The following SDK1 variants were observed in gnomAD, a reference collection of about 807,000 sequenced individuals.
SDK1 encodes protein sidekick-1.
Under a neutral mutation model 245.5 loss-of-function variants are expected in SDK1, and 157 were observed. The observed-to-expected ratio is 0.64, with a 90% CI of 0.56 to 0.73. SDK1 has a LOEUF of 0.73. Among genes scored for constraint, SDK1 ranks in the 30% least tolerant of loss-of-function variants. The pLI, the probability that SDK1 is intolerant of heterozygous loss-of-function variation, is 0.00. For missense variants in SDK1, 3,583 were observed against 3,002.3 expected, an observed-to-expected ratio of 1.19 and a Z score of -4.52; for synonymous variants, 1,647 against 1,278.5, an observed-to-expected ratio of 1.29 and a Z score of -6.15.
intron 28 of SDK1, among the ~76,000 whole-genome samples, chr7:4,145,241 G>A (rs1370435009): frequency 6.6e-6 from 1 of 152,188 alleles, no homozygotes; most frequent in African/African-American, 2.4e-5. Context: ...GGTGCAGGCA[G>A]ACAGGGAAGA....
intron 4 of SDK1, chr7:3,642,854 C>T (rs12531560): frequency 0.24 from 36,913 of 152,210 alleles, 5,406 homozygotes; most frequent in Non-Finnish European, 0.33. Context: ...CCAGAAGAAT[C>T]ATGAAATGCT....
intron 4 of SDK1, among the ~76,000 whole-genome samples, chr7:3,656,591 T>A (rs556362319): frequency 1.3e-5 from 2 of 152,198 alleles, no homozygotes; most frequent in African/African-American, 4.8e-5. Flanking sequence ...AAGAGCTGCT[T>A]CTGGTGACAC....
At chr7:4,255,177 G>A (rs751998771) in intron 44 of SDK1, among the ~76,000 whole-genome samples, 5 of 152,116 alleles carry the variant, frequency 3.3e-5, no homozygotes, top group East Asian at 3.9e-4. Flanking sequence ...TGGTTTTACC[G>A]CTTCCATTGT....
chr7:3,797,011 T>G (rs781304401), intron 4 of SDK1, among the ~76,000 whole-genome samples: 1 of 152,046 alleles, frequency 6.6e-6, no homozygotes, highest in Non-Finnish European at 1.5e-5. Context: ...CTTTCTTTCT[T>G]TTTTTTCTTT....
intron 1 of SDK1, among the ~76,000 whole-genome samples, chr7:3,385,717 C>T (rs1006070176): frequency 9.9e-5 from 15 of 152,100 alleles, no homozygotes; most frequent in Middle Eastern, 3.2e-3. Context: ...CTTTATAATT[C>T]TTATCAGACA....
intron 17 of SDK1, among the ~76,000 whole-genome samples, chr7:4,029,503 G>A (rs1787625033): frequency 1.3e-5 from 2 of 150,718 alleles, no homozygotes; most frequent in Non-Finnish European, 2.9e-5. Flanking sequence ...TAGCCACTAT[G>A]CCCTGCCGAT....
rs181999454 is a variant in SDK1, at chr7:4,049,113, G to A, written c.2603-235G>A. The stretch of plus-strand genomic sequence containing the variant: ...ATCTGTGGAATGAGAGGATGGTCTG[G>A]TCCACCTTTCTGCCTATGCCTTAAA... On this transcript the variant is annotated intron_variant, in intron 17 of 44. Coordinates refer to ENST00000404826, the MANE Select transcript of SDK1 (RefSeq NM_152744.4). 1.4e-3 allele frequency among the ~76,000 whole-genome samples: 219 copies of A among 152,286 alleles called. 1 individual carries two copies. Among genetic ancestry groups the A allele is most frequent in the Middle Eastern group, 6.8e-3 (2 of 294 alleles).
At chr7:3,851,834 GA>G (rs2115103212) in intron 5 of SDK1, among the ~76,000 whole-genome samples, 1 of 152,202 alleles carries the variant, frequency 6.6e-6, no homozygotes, top group African/African-American at 2.4e-5. Flanking sequence ...AGAAAAATAA[GA>G]TTTAAAGTGT....
At chr7:3,926,425 T>G (rs1779770558) in intron 5 of SDK1, among the ~76,000 whole-genome samples, 1 of 152,250 alleles carries the variant, frequency 6.6e-6, no homozygotes, top group Non-Finnish European at 1.5e-5. Flanking sequence ...TTCTCCAGTT[T>G]TCTCTGGGAT....
chr7:4,157,821 G>A (rs565674492), intron 30 of SDK1, among the ~76,000 whole-genome samples: 1 of 152,100 alleles, frequency 6.6e-6, no homozygotes, highest in Non-Finnish European at 1.5e-5. Context: ...GCCTGGCACC[G>A]TGTCAGCCCC....
intron 4 of SDK1, among the ~76,000 whole-genome samples, chr7:3,745,658 G>A (rs1041324936): frequency 1.3e-5 from 2 of 151,892 alleles, no homozygotes; most frequent in African/African-American, 2.4e-5. Flanking sequence ...GAACTCCCTC[G>A]AGCGACCCCT....
intron 1 of SDK1, among the ~76,000 whole-genome samples, chr7:3,505,289 C>T (rs555790137): frequency 6.6e-5 from 10 of 152,258 alleles, no homozygotes; most frequent in African/African-American, 2.2e-4. Context: ...CTCTGTCACC[C>T]AGTTTAGAGT....
chr7:4,219,752 A>T (rs929889614), intron 38 of SDK1, among the ~76,000 whole-genome samples: 1 of 152,026 alleles, frequency 6.6e-6, no homozygotes, highest in African/African-American at 2.4e-5. Context: ...GTGGGAAGGG[A>T]CATTCCCTGG....
At chr7:3,330,773 G>C (rs1216826786) in intron 1 of SDK1, among the ~76,000 whole-genome samples, 2 of 134,344 alleles carry the variant, frequency 1.5e-5, no homozygotes, top group Non-Finnish European at 3.1e-5. Flanking sequence ...AGGAATTCGA[G>C]ACAATGTGGG....
chr7:3,388,347 A>T (rs1258716565), intron 1 of SDK1, among the ~76,000 whole-genome samples: 3 of 132,992 alleles, frequency 2.3e-5, no homozygotes, highest in African/African-American at 3.7e-5. Context: ...ATTGAAGATT[A>T]AAAAAAAAAT....
chr7:3,582,106 C>T (rs1384685100), intron 1 of SDK1, among the ~76,000 whole-genome samples: 1 of 145,610 alleles, frequency 6.9e-6, no homozygotes, highest in Non-Finnish European at 1.6e-5. Context: ...TCAGGTAGGT[C>T]TCCCTCAGGT....
chr7:3,357,516 A>C (rs1277528897), intron 1 of SDK1, among the ~76,000 whole-genome samples: 1 of 150,100 alleles, frequency 6.7e-6, no homozygotes, highest in Non-Finnish European at 1.5e-5. Context: ...TACCTGGCTT[A>C]ATTTTTTTTT....
At chr7:4,075,516 G>A (rs1429252882) in intron 20 of SDK1, among the ~76,000 whole-genome samples, 1 of 152,058 alleles carries the variant, frequency 6.6e-6, no homozygotes, top group East Asian at 1.9e-4. Context: ...GTTTTCAGCT[G>A]TTTTCTTTTG....
chr7:3,348,691 G>A (rs1318359795), intron 1 of SDK1, among the ~76,000 whole-genome samples: 1 of 152,052 alleles, frequency 6.6e-6, no homozygotes, highest in African/African-American at 2.4e-5. Context: ...CCCCAAATCT[G>A]AAATAAAAGT....
Sources: allele counts gnomAD v4.1 joint callset (sites outside exome capture counted in the v4.1 genomes callset), GRCh38; gene constraint gnomAD v4.1.1; transcripts MANE v1.5; gene names NCBI Gene and HGNC (gene_info 2026-07-23, HGNC 2026-07-21).